CGGBP1: variants seen among roughly 807,000 people sequenced by gnomAD.
The protein encoded by CGGBP1 is CGG triplet repeat-binding protein 1.
In CGGBP1, 4 loss-of-function variants were observed where a neutral mutation model predicts 11.4. The observed-to-expected ratio is 0.35, with a 90% CI of 0.17 to 0.80. CGGBP1 has a LOEUF of 0.80. CGGBP1 is among the 30% of genes least tolerant of loss of function. CGGBP1 has a pLI of 0.52. For synonymous variants in CGGBP1, 76 were observed against 74.1 expected (o/e 1.03, Z -0.13); for missense variants, 135 against 202.1 (o/e 0.67, Z 2.01).
At chr3:88,062,877 C>T (rs74873297), upstream of CGGBP1, among the ~76,000 whole-genome samples, 63 of 152,216 alleles carry the variant, frequency 4.1e-4, no homozygotes, top group Admixed American at 8.5e-4. Context: ...ATATTTCTCT[C>T]GTAAAATCCT....
chr3:88,122,493 T>C (rs765147034), intron 2 of CGGBP1, among the ~76,000 whole-genome samples: 32 of 152,192 alleles, frequency 2.1e-4, no homozygotes, highest in Non-Finnish European at 4.0e-4. Flanking sequence ...GAAAAGAATC[T>C]TCCTTTTGGG....
At chr3:88,133,697 A>G (rs1235073082) in intron 2 of CGGBP1, among the ~76,000 whole-genome samples, 1 of 152,116 alleles carries the variant, frequency 6.6e-6, no homozygotes, top group Non-Finnish European at 1.5e-5. Context: ...CCACATTTCT[A>G]TTGCTGTTAA....
At chr3:88,128,911 C>A in intron 2 of CGGBP1, 1 of 1,535,556 alleles carries the variant, frequency 6.5e-7, no homozygotes. Flanking sequence ...CTTATTAAAT[C>A]TTGTATAAAT....
chr3:88,085,501 C>G (rs1423893919), intron 2 of CGGBP1, among the ~76,000 whole-genome samples: 3 of 152,178 alleles, frequency 2.0e-5, no homozygotes, highest in Non-Finnish European at 2.9e-5. Context: ...CAGGACAAAT[C>G]AGGCAGGCAG....
chr3:88,130,400 A>C (rs571321430), intron 2 of CGGBP1, among the ~76,000 whole-genome samples: 1 of 152,210 alleles, frequency 6.6e-6, no homozygotes, highest in East Asian at 1.9e-4. Context: ...TAATAGCTTG[A>C]AGGCATATAG....
rs1476847214 is a variant in CGGBP1, at chr3:88,132,619, A to G, written c.-229+8351T>C. 3.3e-5 allele frequency among the ~76,000 whole-genome samples: 5 copies of G among 152,204 alleles called. No individual in the cohort carries two copies. The East Asian group carries it at 9.6e-4, about 29-fold the overall frequency. Reference sequence around the variant, plus strand: ...AAGATTTCTGCTTTGCCTGCTTTAAAGCAAAAATCCATAGTGGTAGTCTTC... The same window carrying G: ...AAGATTTCTGCTTTGCCTGCTTTAAGGCAAAAATCCATAGTGGTAGTCTTC... On this transcript the variant is annotated intron_variant, in intron 2 of 3. Coordinates refer to the CGGBP1 transcript ENST00000462901.
chr3:88,064,163 C>G lies in CGGBP1; in HGVS notation c.-228-5940G>C, dbSNP rs547976537. ...CAAAAAATAGCAGTCATGCCCTGTC[C>G]TCTTCCTTTCCTACTTCTTATTCTC... is the stretch of plus-strand genomic sequence containing the variant. On this transcript the variant is annotated intron_variant, in intron 2 of 3. Coordinates refer to the CGGBP1 transcript ENST00000462901. 2.0e-5 allele frequency among the ~76,000 whole-genome samples: 3 copies of G among 151,194 alleles called. No individual in the cohort carries two copies. In the East Asian group the frequency reaches 5.8e-4, roughly 29 times the overall value.
intron 2 of CGGBP1, among the ~76,000 whole-genome samples, chr3:88,094,058 G>A (rs1703904346): frequency 1.3e-5 from 2 of 151,094 alleles, no homozygotes; most frequent in South Asian, 2.1e-4. Flanking sequence ...AATCTAGGTC[G>A]TCTAGCGTTC....
In CGGBP1 at chr3:88,054,841, T is replaced by C. The variant is rs1437830503; in HGVS notation, c.*632A>G. On this transcript the variant is annotated 3_prime_UTR_variant, in exon 4 of 4. Coordinates refer to ENST00000482016, the MANE Select transcript of CGGBP1 (RefSeq NM_001008390.2). ...ACGTTGAAAGATTTTAGTCTTTTGG[T>C]CACTTGAAGCTGCTACAAAATACAA... 1 of 152,656 alleles carries C rather than the reference T, an allele frequency of 6.6e-6. No individual in the cohort carries two copies. The highest frequency in any genetic ancestry group is 2.4e-5 in the African/African-American group (1 of 41,454). 9.5% of individuals were successfully genotyped at this position (152,656 alleles called of 1,614,324 possible).
Position 88,119,950 on chromosome 3 carries a change from A to G in CGGBP1, c.-229+21020T>C, listed in dbSNP as rs1367269296. Among the ~76,000 whole-genome samples, 4 of 152,176 alleles carry G rather than the reference A, an allele frequency of 2.6e-5. No homozygotes were observed. In the East Asian group the frequency reaches 7.7e-4, roughly 29 times the overall value. On this transcript the variant is annotated intron_variant, in intron 2 of 3. Transcript: ENST00000462901. ...TAAAACTCTGCTAATTAAAAGTAGCATGTACATTTATTACTTTTTACTTAT... is the reference window on the plus strand; with the variant it reads ...TAAAACTCTGCTAATTAAAAGTAGCGTGTACATTTATTACTTTTTACTTAT...
intron 2 of CGGBP1, among the ~76,000 whole-genome samples, chr3:88,066,180 A>G (rs1707187905): frequency 6.6e-6 from 1 of 152,220 alleles, no homozygotes; most frequent in African/African-American, 2.4e-5. Flanking sequence ...TAGAATGACC[A>G]ATGAGGTTCT....
intron 2 of CGGBP1, chr3:88,134,964 A>G (rs1395326344): frequency 7.0e-6 from 6 of 856,526 alleles, no homozygotes; most frequent in Non-Finnish European, 9.7e-6. Flanking sequence ...ACTCATATAC[A>G]TCCCAGCCAG....
At chr3:88,101,875 AT>A (rs1168476648) in intron 2 of CGGBP1, among the ~76,000 whole-genome samples, 1 of 152,050 alleles carries the variant, frequency 6.6e-6, no homozygotes, top group Non-Finnish European at 1.5e-5. Context: ...GTAGTATGTC[AT>A]TTTGTTTTTA....
At position 88,055,456 on chromosome 3, in the gene CGGBP1, T is replaced by C. The variant is rs566902073; in HGVS notation, c.*17A>G. The C allele has an allele frequency of 1.5e-5, 23 of 1,506,098 alleles. No homozygotes were observed. In the East Asian group the frequency reaches 4.6e-4, roughly 30 times the overall value. The allele number at this position is 1,506,098 out of a possible 1,614,324, so 93.3% of individuals were successfully genotyped here. ...TACTCCACATTTATCTTGATCACAA[T>C]GGTGGTAACCTCCTAGTCAACAATC... On this transcript the variant is annotated 3_prime_UTR_variant, in exon 4 of 4. Coordinates refer to ENST00000482016, the MANE Select transcript of CGGBP1 (RefSeq NM_001008390.2). This position sits in a 1 kb window ranked among gnomAD's most constrained non-coding sequence, Gnocchi z 4.2.
chr3:88,080,055 T>C (rs1708002606), intron 2 of CGGBP1, among the ~76,000 whole-genome samples: 1 of 152,102 alleles, frequency 6.6e-6, no homozygotes, highest in East Asian at 1.9e-4. Flanking sequence ...AATTTATCTT[T>C]TTCATTCTCC....
chr3:88,072,481 A>T (rs144416783), intron 2 of CGGBP1, among the ~76,000 whole-genome samples: 142 of 152,084 alleles, frequency 9.3e-4, no homozygotes, highest in Non-Finnish European at 1.5e-3. Flanking sequence ...ACTCACCAAC[A>T]CTAGTGTCTT....
At chr3:88,143,014 C>CA (rs1559741326) in intron 1 of CGGBP1, 1 of 152,072 alleles carries the variant, frequency 6.6e-6, no homozygotes, top group Admixed American at 6.6e-5. Flanking sequence ...ATTAAAATAA[C>CA]AAAAAGGCAG....
chr3:88,071,366 CGGGTGCA>C (rs1559690130), intron 2 of CGGBP1, among the ~76,000 whole-genome samples: 1 of 152,008 alleles, frequency 6.6e-6, no homozygotes, highest in African/African-American at 2.4e-5. Flanking sequence ...AAAAATTGGC[CGGGTGCA>C]GTGGCTCACT....
At chr3:88,102,217 G>A (rs1042779110) in intron 2 of CGGBP1, among the ~76,000 whole-genome samples, 7 of 152,046 alleles carry the variant, frequency 4.6e-5, no homozygotes, top group Non-Finnish European at 7.4e-5. Context: ...GGATCTGTGG[G>A]CTTACAATTT....
Sources: gnomAD v4.1 joint callset for allele counts (sites outside exome capture counted in the v4.1 genomes callset) on GRCh38, gnomAD v4.1.1 for gene constraint, Gnocchi (gnomAD v3.1) non-coding constraint, MANE v1.5 for transcripts, NCBI Gene and HGNC (gene_info 2026-07-23, HGNC 2026-07-21) for gene names.